BRINP2: variants seen among roughly 807,000 people sequenced by gnomAD.
BRINP2 encodes BMP/retinoic acid-inducible neural-specific protein 2.
A neutral mutation model predicts 69.2 loss-of-function variants in BRINP2; 21 were observed. That is an observed-to-expected ratio of 0.30 (90% CI 0.22 to 0.44). BRINP2 has a LOEUF of 0.44. Ranked by LOEUF, BRINP2 falls within the 20% of genes least tolerant of loss-of-function variation. The pLI is 1.00. For synonymous variants in BRINP2, 380 were observed against 394.1 expected (o/e 0.96, Z 0.42); for missense variants, 877 against 986.0 (o/e 0.89, Z 1.48).
chr1:177,229,701 A>G (rs1396867416), intron 1 of BRINP2, 100 bp from the exon 2 acceptor site: 1 of 797,030 alleles, frequency 1.3e-6, no homozygotes, highest in Non-Finnish European at 1.9e-6. Flanking sequence ...TTACTAGCAT[A>G]AAGGATTTCC....
chr1:177,274,601 A>C (rs1161213828), intron 5 of BRINP2, among the ~76,000 whole-genome samples: 1 of 152,186 alleles, frequency 6.6e-6, no homozygotes, highest in Non-Finnish European at 1.5e-5. Flanking sequence ...GAAGTTCAAA[A>C]TGTCTAGTTG....
intron 1 of BRINP2, among the ~76,000 whole-genome samples, chr1:177,180,978 G>T (rs1648229030): frequency 6.6e-6 from 1 of 152,152 alleles, no homozygotes; most frequent in South Asian, 2.1e-4. Context: ...CCTGCTGTGT[G>T]CCAGGCACTA....
At chr1:177,197,157 G>T (rs1000991162) in intron 1 of BRINP2, among the ~76,000 whole-genome samples, 2 of 152,164 alleles carry the variant, frequency 1.3e-5, no homozygotes, top group Admixed American at 1.3e-4. Context: ...GGCTGGATAG[G>T]AAGCACAGCG....
intron 4 of BRINP2, among the ~76,000 whole-genome samples, chr1:177,270,827 T>A (rs1651299602): frequency 6.6e-6 from 1 of 152,106 alleles, no homozygotes; most frequent in African/African-American, 2.4e-5. Context: ...GGGGCAAACT[T>A]CCCCAGAGTA....
intron 4 of BRINP2, among the ~76,000 whole-genome samples, chr1:177,269,618 C>T (rs749795534): frequency 2.6e-5 from 4 of 152,170 alleles, no homozygotes; most frequent in South Asian, 2.1e-4. Context: ...TTTTAAAGCA[C>T]GTACACCATC....
At chr1:177,216,261 G>A (rs1320276930) in intron 1 of BRINP2, among the ~76,000 whole-genome samples, 1 of 151,772 alleles carries the variant, frequency 6.6e-6, no homozygotes, top group Non-Finnish European at 1.5e-5. Context: ...CTTTTGTTTT[G>A]TGCATCTCCT....
At chr1:177,203,417 A>G (rs1215379385) in intron 1 of BRINP2, among the ~76,000 whole-genome samples, 1 of 152,188 alleles carries the variant, frequency 6.6e-6, no homozygotes, top group Non-Finnish European at 1.5e-5. Flanking sequence ...AACATGGCAC[A>G]TGTATACATA....
At chr1:177,226,449 A>G (rs1649694587) in intron 1 of BRINP2, among the ~76,000 whole-genome samples, 1 of 152,214 alleles carries the variant, frequency 6.6e-6, no homozygotes, top group African/African-American at 2.4e-5. Context: ...GCAGACAATA[A>G]CAGCTGGTCT....
chr1:177,201,717 A>C (rs1250171238), intron 1 of BRINP2, among the ~76,000 whole-genome samples: 1 of 152,160 alleles, frequency 6.6e-6, no homozygotes, highest in Non-Finnish European at 1.5e-5. Context: ...GGCCTCTTAA[A>C]ATGAGTTAGG....
chr1:177,171,048 C>T lies in BRINP2; in HGVS notation c.-761C>T, dbSNP rs918226490. 6.6e-6 allele frequency among the ~76,000 whole-genome samples: 1 copy of T among 152,254 alleles called. No homozygotes were observed. The highest frequency in any genetic ancestry group is 1.5e-5 in the Non-Finnish European group (1 of 68,040). Reference sequence around the variant, plus strand: ...GCTCTGGGATGCAATCCGCCTGCCTCGCAAGCTGCTCGCCGCTGCGCTGGC... The same window carrying T: ...GCTCTGGGATGCAATCCGCCTGCCTTGCAAGCTGCTCGCCGCTGCGCTGGC... On this transcript the variant is annotated 5_prime_UTR_variant, in exon 1 of 8. Coordinates refer to ENST00000361539, the MANE Select transcript of BRINP2 (RefSeq NM_021165.4).
chr1:177,264,888 T>C (rs1323257461), intron 4 of BRINP2, among the ~76,000 whole-genome samples: 1 of 152,142 alleles, frequency 6.6e-6, no homozygotes, highest in African/African-American at 2.4e-5. Flanking sequence ...CCCAAAGTAA[T>C]TTATAGATTC....
At chr1:177,210,120 G>A (rs971451341) in intron 1 of BRINP2, among the ~76,000 whole-genome samples, 8 of 152,168 alleles carry the variant, frequency 5.3e-5, no homozygotes, top group African/African-American at 1.9e-4. Context: ...TCCAAAGTCA[G>A]AGAAATTTGT....
intron 2 of BRINP2, among the ~76,000 whole-genome samples, chr1:177,246,213 TG>T (rs976461986): frequency 2.2e-4 from 34 of 152,232 alleles, no homozygotes; most frequent in African/African-American, 7.9e-4. Context: ...CCAGCCACAG[TG>T]GTAAACAAGG....
In BRINP2 at chr1:177,196,372, C is replaced by A. The variant is rs564974439; in HGVS notation, c.-77+24640C>A. Among the ~76,000 whole-genome samples, 19 of 152,272 alleles carry A rather than the reference C, an allele frequency of 1.2e-4. No homozygotes were observed. In the South Asian group the frequency reaches 1.7e-3, roughly 13 times the overall value. ...GTGGCTCACGCCTGTAATCCCAGCA[C>A]TTTGGGAGGCCAAAGTGGGTGGATC... On this transcript the variant is annotated intron_variant, in intron 1 of 7. Transcript: ENST00000361539.
chr1:177,230,191 A>G (rs779789828), intron 2 of BRINP2, 46 bp downstream of exon 2: 16 of 1,546,720 alleles, frequency 1.0e-5, no homozygotes, highest in Non-Finnish European at 3.5e-6. Context: ...TAAGAACCCA[A>G]CCTGCACAGG....
intron 1 of BRINP2, among the ~76,000 whole-genome samples, chr1:177,217,714 G>T (rs890500197): frequency 2.6e-5 from 4 of 152,140 alleles, no homozygotes; most frequent in Non-Finnish European, 5.9e-5. Context: ...GATGAGTAAT[G>T]ATCCTGGAAA....
chr1:177,241,995 G>A (rs527808804), intron 2 of BRINP2, among the ~76,000 whole-genome samples: 1 of 152,318 alleles, frequency 6.6e-6, no homozygotes, highest in South Asian at 2.1e-4. Context: ...TTTAGTTTTT[G>A]TGGTAAAATC....
chr1:177,278,341 T>G (rs1046046723), intron 6 of BRINP2, among the ~76,000 whole-genome samples: 3 of 148,432 alleles, frequency 2.0e-5, no homozygotes, highest in African/African-American at 2.6e-5. Flanking sequence ...GGCATAGGAG[T>G]AGAAAAGATG....
At position 177,230,000 on chromosome 1, in the gene BRINP2, G is replaced by C; in HGVS notation, c.124G>C (p.Val42Leu). 5.0e-6 allele frequency: 8 copies of C among 1,613,544 alleles called. No individual in the cohort carries two copies. Among genetic ancestry groups the C allele is most frequent in the Non-Finnish European group, 6.8e-6 (8 of 1,179,934 alleles). The change falls in exon 2 of 8, where the codon GTC becomes CTC. Residue 42 changes from valine (V) to leucine (L), a missense_variant. By Grantham distance (32) the Val-to-Leu change is conservative. This residue lies in a region of BRINP2 where 566 missense variants were observed against 625.2 expected (regional missense o/e 0.91). Coordinates refer to ENST00000361539, the MANE Select transcript of BRINP2 (RefSeq NM_021165.4). ...LAVSATAAAV[V>L]PEQHASVAGQ... is the part of the protein sequence containing the mutation. The stretch of plus-strand genomic sequence containing the variant: ...TGTCTCAGCCACGGCGGCTGCTGTG[G>C]TCCCCGAGCAGCATGCCTCCGTAGC...
Sources: allele counts gnomAD v4.1 joint callset (sites outside exome capture counted in the v4.1 genomes callset), GRCh38; gene constraint gnomAD v4.1.1; regional missense constraint gnomAD v4.1.1; transcripts MANE v1.5; gene names NCBI Gene and HGNC (gene_info 2026-07-23, HGNC 2026-07-21).